Variants in ZDHHC13 observed in about 807,000 individuals in gnomAD.
ZDHHC13 encodes palmitoyltransferase ZDHHC13.
ZDHHC13 carries 85 observed loss-of-function variants against 86.0 expected under a neutral mutation model. The ratio of observed to expected loss-of-function variants is 0.99; its 90% confidence interval spans 0.83 to 1.18. The LOEUF (loss-of-function observed/expected upper bound fraction) is 1.18. Ranked by LOEUF, ZDHHC13 falls within the 50% of genes most tolerant of loss-of-function variation. The pLI, the probability that ZDHHC13 is intolerant of heterozygous loss-of-function variation, is 0.00. For synonymous variants in ZDHHC13, 263 were observed against 246.4 expected (o/e 1.07, Z -0.63); for missense variants, 711 against 730.2 (o/e 0.97, Z 0.30).
At chr11:19,126,502 ATTTTTTTTTT>A (rs754405966) in intron 1 of ZDHHC13, among the ~76,000 whole-genome samples, 2 of 95,150 alleles carry the variant, frequency 2.1e-5, no homozygotes, top group African/African-American at 1.0e-4. Context: ...ACCCTGGCTA[ATTTTTTTTTT>A]TTTTTTTTTT....
At chr11:19,147,038 A>T (rs758137398) in intron 3 of ZDHHC13, among the ~76,000 whole-genome samples, 35 of 152,280 alleles carry the variant, frequency 2.3e-4, no homozygotes, top group Non-Finnish European at 4.4e-4. Flanking sequence ...CATAGAAGAA[A>T]ATCAGTCTTA....
chr11:19,123,167 C>G (rs1400876914), intron 1 of ZDHHC13, among the ~76,000 whole-genome samples: 1 of 152,166 alleles, frequency 6.6e-6, no homozygotes, highest in Non-Finnish European at 1.5e-5. Context: ...GCCGACTAAA[C>G]AAATATTCTC....
chr11:19,142,716 T>A (rs1327296733), intron 1 of ZDHHC13, among the ~76,000 whole-genome samples: 2 of 151,992 alleles, frequency 1.3e-5, no homozygotes, highest in Non-Finnish European at 2.9e-5. Context: ...ATAAAGAAAA[T>A]CTTCCTTAGG....
intron 1 of ZDHHC13, among the ~76,000 whole-genome samples, chr11:19,139,609 C>T (rs1182300390): frequency 6.6e-6 from 1 of 151,210 alleles, no homozygotes; most frequent in African/African-American, 2.4e-5. Flanking sequence ...ATCGCCAAGT[C>T]AATCCTAAGC....
chr11:19,135,571 A>G (rs966247916), intron 1 of ZDHHC13, among the ~76,000 whole-genome samples: 4 of 152,340 alleles, frequency 2.6e-5, no homozygotes, highest in Non-Finnish European at 4.4e-5. Flanking sequence ...GGAGCCCACC[A>G]CAGCTCAAGG....
At chr11:19,135,438 G>T (rs964365555) in intron 1 of ZDHHC13, among the ~76,000 whole-genome samples, 2 of 152,220 alleles carry the variant, frequency 1.3e-5, no homozygotes, top group Non-Finnish European at 2.9e-5. Flanking sequence ...ATGGAGTCTC[G>T]CTGGATTGCT....
chr11:19,133,942 T>TATACAC lies in ZDHHC13; in HGVS notation c.28-9035_28-9034insTACACA. On this transcript the variant is annotated intron_variant, in intron 1 of 16. Coordinates refer to ENST00000446113, the MANE Select transcript of ZDHHC13 (RefSeq NM_019028.3). The stretch of plus-strand genomic sequence containing the variant: ...GTCCATATATATATATATATATATA[T>TATACAC]ACACGTATGTGTTTTATATACTTCA... Among the ~76,000 whole-genome samples, 36 of 95,420 alleles carry TATACAC rather than the reference T, an allele frequency of 3.8e-4. 2 individuals carry two copies. Among genetic ancestry groups the TATACAC allele is most frequent in the South Asian group, 1.9e-3 (5 of 2,634 alleles). The allele number at this position is 95,420 out of a possible 152,430, so 62.6% of individuals were successfully genotyped here.
At chr11:19,145,280 T>A (rs1002750241) in intron 2 of ZDHHC13, among the ~76,000 whole-genome samples, 2 of 152,232 alleles carry the variant, frequency 1.3e-5, no homozygotes, top group African/African-American at 4.8e-5. Flanking sequence ...CTGTTCCTAT[T>A]GCTTCACTCT....
chr11:19,133,803 C>T (rs1189647602), intron 1 of ZDHHC13, among the ~76,000 whole-genome samples: 1 of 151,284 alleles, frequency 6.6e-6, no homozygotes, highest in Non-Finnish European at 1.5e-5. Flanking sequence ...TGTGGTGGAG[C>T]ATAGCATGTG....
chr11:19,158,904 C>G, intron 9 of ZDHHC13, 36 bp from the exon 10 acceptor site: 2 of 1,326,260 alleles, frequency 1.5e-6, no homozygotes, highest in South Asian at 1.4e-5. Context: ...TAATACAAGT[C>G]ATACTAATAA....
Position 19,117,292 on chromosome 11 carries a change from C to T in ZDHHC13, c.27+16C>T, listed in dbSNP as rs1324932097. Reference sequence around the variant, plus strand: ...GGGCTCGCAGGTGAGTGCGGCCGGGCGGTGGCTGTCCTGGGGGCCGGGAGA... The same window carrying T: ...GGGCTCGCAGGTGAGTGCGGCCGGGTGGTGGCTGTCCTGGGGGCCGGGAGA... On this transcript the variant is annotated intron_variant, in intron 1 of 16. Transcript: ENST00000446113. This position sits in a 1 kb window ranked among gnomAD's most constrained non-coding sequence, Gnocchi z 4.2. The T allele has an allele frequency of 3.4e-6, 5 of 1,466,060 alleles. No individual in the cohort carries two copies. Among genetic ancestry groups the T allele is most frequent in the African/African-American group, 2.9e-5 (2 of 68,952 alleles). The allele number at this position is 1,466,060 out of a possible 1,614,324, so 90.8% of individuals were successfully genotyped here. A position where few individuals can be genotyped will look rare whatever the true frequency, so the allele number is the denominator to read the frequency against.
chr11:19,162,944 T>G (rs542463614), intron 10 of ZDHHC13, among the ~76,000 whole-genome samples: 1 of 152,300 alleles, frequency 6.6e-6, no homozygotes, highest in East Asian at 1.9e-4. Flanking sequence ...TTTCTTTGAA[T>G]GATTTTGTTA....
chr11:19,120,433 A>G (rs933843013), intron 1 of ZDHHC13, among the ~76,000 whole-genome samples: 7 of 152,300 alleles, frequency 4.6e-5, no homozygotes, highest in Admixed American at 4.6e-4. Flanking sequence ...TCCATTAGTG[A>G]CCATCTAATG....
intron 11 of ZDHHC13, among the ~76,000 whole-genome samples, 182 bp from the exon 12 acceptor site, chr11:19,164,119 G>T (rs1283036784): frequency 2.6e-5 from 4 of 152,112 alleles, no homozygotes; most frequent in Admixed American, 2.6e-4. Flanking sequence ...ATTAGCTGTT[G>T]GTTGAAAATG....
At chr11:19,170,233 A>G (rs1418469584) in intron 14 of ZDHHC13, 178 bp from the exon 15 acceptor site, 1 of 1,404,038 alleles carries the variant, frequency 7.1e-7, no homozygotes, top group Non-Finnish European at 9.2e-7. Flanking sequence ...TTGAGCCACC[A>G]TTTTGTCATC....
intron 4 of ZDHHC13, among the ~76,000 whole-genome samples, chr11:19,147,931 T>C (rs1370199212): frequency 1.3e-5 from 2 of 152,164 alleles, no homozygotes; most frequent in African/African-American, 4.8e-5. Flanking sequence ...TCATACTTGG[T>C]AACATAAATA....
intron 1 of ZDHHC13, among the ~76,000 whole-genome samples, chr11:19,137,943 C>A (rs1313563192): frequency 6.8e-6 from 1 of 147,110 alleles, no homozygotes; most frequent in African/African-American, 2.5e-5. Context: ...GCACTAAATG[C>A]CCACAAGAGA....
rs1462133899 is a variant in ZDHHC13, at chr11:19,158,990, T to C, written c.1058T>C (p.Leu353Pro). ...NLVYLPTAFL[L>P]SSVFWIFMTW... Reference sequence around the variant, plus strand: ...GTATACTTACCAACAGCCTTTCTGCTAAGTTCTGTTTTTTGGATATTTATG... The same window carrying C: ...GTATACTTACCAACAGCCTTTCTGCCAAGTTCTGTTTTTTGGATATTTATG... Residue 353 changes from leucine to proline, a missense_variant, in exon 10 of 17, where the codon CTA becomes CCA. Coordinates refer to ENST00000446113, the MANE Select transcript of ZDHHC13 (RefSeq NM_019028.3). The C allele has an allele frequency of 3.2e-6, 5 of 1,549,916 alleles. No homozygotes were observed. The highest frequency in any genetic ancestry group is 4.4e-6 in the Non-Finnish European group (5 of 1,146,372).
intron 1 of ZDHHC13, among the ~76,000 whole-genome samples, chr11:19,129,820 C>T (rs190631162): frequency 4.5e-4 from 69 of 152,182 alleles, no homozygotes; most frequent in African/African-American, 1.2e-3. Context: ...GGGCCGGGTG[C>T]GGTCGCTCAC....
Sources: gnomAD v4.1 joint callset for allele counts (sites outside exome capture counted in the v4.1 genomes callset) on GRCh38, gnomAD v4.1.1 for gene constraint, Gnocchi (gnomAD v3.1) non-coding constraint, MANE v1.5 for transcripts, NCBI Gene and HGNC (gene_info 2026-07-23, HGNC 2026-07-21) for gene names.